Variants in INSL6 observed in about 807,000 individuals in gnomAD.
INSL6 encodes insulin-like peptide INSL6.
INSL6 carries 16 observed loss-of-function variants against 9.4 expected under a neutral mutation model. The observed-to-expected ratio is 1.70, with a 90% confidence interval of 1.15 to 2.59. INSL6 has a LOEUF of 2.59. Among genes scored for constraint, INSL6 ranks in the 30% most tolerant of loss-of-function variants. The pLI is 0.00. For synonymous variants in INSL6, 154 were observed against 96.9 expected, an observed-to-expected ratio of 1.59 and a Z score of -3.46; for missense variants, 391 against 257.3, an observed-to-expected ratio of 1.52 and a Z score of -3.56.
the INSL6 span, among the ~76,000 whole-genome samples, chr9:5,102,190 C>G: frequency 0.3 from 45,768 of 151,942 alleles, 7,472 homozygotes; most frequent in African/African-American, 0.44. Flanking sequence ...GTAGAGAAGA[C>G]CTTAAATGAC....
At chr9:5,083,537 A>G in the INSL6 span, among the ~76,000 whole-genome samples, 1 of 152,120 alleles carries the variant, frequency 6.6e-6, no homozygotes, top group South Asian at 2.1e-4. Flanking sequence ...ATACAACTTA[A>G]TCACAGTCTT....
At chr9:5,039,625 A>T in the INSL6 span, among the ~76,000 whole-genome samples, 2 of 152,162 alleles carry the variant, frequency 1.3e-5, no homozygotes. Context: ...GAACTAATAA[A>T]TGAGCTCAGG....
chr9:5,126,393 G>A (rs922123026), intron 3 of INSL6: 5 of 1,611,078 alleles, frequency 3.1e-6, no homozygotes, highest in Non-Finnish European at 4.2e-6. Flanking sequence ...CCATTTGATA[G>A]AACTTTTGAA....
chr9:5,064,319 C>G, the INSL6 span, among the ~76,000 whole-genome samples: 1 of 152,044 alleles, frequency 6.6e-6, no homozygotes, highest in Non-Finnish European at 1.5e-5. Flanking sequence ...CACTTGAGGT[C>G]AGGAGTTGGA....
the INSL6 span, among the ~76,000 whole-genome samples, chr9:5,072,213 C>T: frequency 6.6e-6 from 1 of 152,280 alleles, no homozygotes; most frequent in African/African-American, 2.4e-5. Context: ...AACACTGACT[C>T]TATTTTTAAA....
chr9:5,040,437 G>T, the INSL6 span, among the ~76,000 whole-genome samples: 1 of 152,128 alleles, frequency 6.6e-6, no homozygotes, highest in Non-Finnish European at 1.5e-5. Flanking sequence ...AGTGACAAAA[G>T]AAAAATAGTT....
intron 1 of INSL6, among the ~76,000 whole-genome samples, chr9:5,178,316 C>A (rs1029833814): frequency 6.6e-6 from 1 of 152,106 alleles, no homozygotes. Flanking sequence ...GAGGGGCTGC[C>A]GCCATCTCCA....
the INSL6 span, chr9:5,066,701 T>A: frequency 6.2e-7 from 1 of 1,607,398 alleles, no homozygotes; most frequent in Non-Finnish European, 8.5e-7. Context: ...ATTAGTAAAC[T>A]GAAGAAAGCA....
the INSL6 span, chr9:5,111,311 C>T: frequency 2.2e-6 from 1 of 459,642 alleles, no homozygotes. Flanking sequence ...CCCTCAGCAG[C>T]CCCGGACCCC....
At chr9:5,092,090 G>T in the INSL6 span, among the ~76,000 whole-genome samples, 1 of 152,110 alleles carries the variant, frequency 6.6e-6, no homozygotes, top group African/African-American at 2.4e-5. Flanking sequence ...AGCACCTAAG[G>T]TTATAAAGTA....
At chr9:5,116,061 AT>A in the INSL6 span, among the ~76,000 whole-genome samples, 20 of 151,746 alleles carry the variant, frequency 1.3e-4, no homozygotes, top group South Asian at 2.1e-4. Context: ...GTATAATAAA[AT>A]TTAAAAAAAA....
At chr9:5,122,349 C>T (rs980821110), downstream of INSL6, among the ~76,000 whole-genome samples, 11 of 152,010 alleles carry the variant, frequency 7.2e-5, no homozygotes, top group Admixed American at 2.0e-4. Context: ...TTCTGTATTC[C>T]TTAGTCACCC....
At chr9:5,080,944 G>A in the INSL6 span, among the ~76,000 whole-genome samples, 3 of 134,394 alleles carry the variant, frequency 2.2e-5, no homozygotes, top group African/African-American at 8.4e-5. Flanking sequence ...CGCCCAGGCT[G>A]GAGTGCAGTG....
the INSL6 span, among the ~76,000 whole-genome samples, chr9:5,118,787 T>A: frequency 6.6e-6 from 1 of 152,146 alleles, no homozygotes; most frequent in East Asian, 1.9e-4. Context: ...AATATACCAT[T>A]AAAAATTATC....
At chr9:5,120,423 A>AT (rs1221169676), downstream of INSL6, among the ~76,000 whole-genome samples, 3 of 152,316 alleles carry the variant, frequency 2.0e-5, no homozygotes, top group African/African-American at 7.2e-5. Context: ...CCATGATATC[A>AT]TTTTTTTAAA....
the INSL6 span, chr9:5,109,272 A>C: frequency 6.6e-6 from 1 of 152,290 alleles, no homozygotes; most frequent in African/African-American, 2.4e-5. Context: ...AAATCCTAAA[A>C]TTATTATGGG....
chr9:5,116,344 G>C, the INSL6 span, among the ~76,000 whole-genome samples: 1 of 152,096 alleles, frequency 6.6e-6, no homozygotes, highest in Non-Finnish European at 1.5e-5. Flanking sequence ...AATTTGGGTA[G>C]GTTTGAAATT....
chr9:5,137,213 A>G (rs1383656596), intron 2 of INSL6, among the ~76,000 whole-genome samples: 3 of 152,240 alleles, frequency 2.0e-5, no homozygotes, highest in East Asian at 1.9e-4. Flanking sequence ...TATAGATTCA[A>G]TGCTACCACC....
the INSL6 span, chr9:5,089,602 A>ATAAT: frequency 1.7e-6 from 1 of 605,550 alleles, no homozygotes; most frequent in African/African-American, 1.9e-5. Context: ...AATTTTCTAT[A>ATAAT]TAATTATAAA....
Sources: allele counts gnomAD v4.1 joint callset (sites outside exome capture counted in the v4.1 genomes callset), GRCh38; gene constraint gnomAD v4.1.1; transcripts MANE v1.5; gene names NCBI Gene and HGNC (gene_info 2026-07-23, HGNC 2026-07-21).